CHAF1A: variants seen among roughly 807,000 people sequenced by gnomAD.
CHAF1A encodes chromatin assembly factor 1 subunit A.
Under a neutral mutation model 93.2 loss-of-function variants are expected in CHAF1A, and 5 were observed. That is an observed-to-expected ratio of 0.05 (90% CI 0.03 to 0.11). The LOEUF (loss-of-function observed/expected upper bound fraction) is 0.11, where lower values mean the gene tolerates loss of function less well. Ranked by LOEUF, CHAF1A falls within the 10% of genes least tolerant of loss-of-function variation. The probability of loss-of-function intolerance (pLI) is 1.00; values close to 1 mark genes in which losing one functional copy is unlikely to be tolerated. For synonymous variants in CHAF1A, 504 were observed against 510.3 expected, an observed-to-expected ratio of 0.99 and a Z score of 0.17; for missense variants, 1,102 against 1,259.9, an observed-to-expected ratio of 0.87 and a Z score of 1.90.
intron 1 of CHAF1A, among the ~76,000 whole-genome samples, chr19:4,404,600 GTGAGGGGTGGT>G (rs1973646800): frequency 1.3e-5 from 2 of 152,174 alleles, no homozygotes; most frequent in South Asian, 4.1e-4. Context: ...GGGGCGGTGG[GTGAGGGGTGGT>G]TTCATGTATG....
chr19:4,428,597 T>C, intron 7 of CHAF1A, 67 bp from the exon 8 acceptor site: 5 of 1,346,170 alleles, frequency 3.7e-6, no homozygotes, highest in Non-Finnish European at 5.3e-6. Context: ...CACCCTGCTG[T>C]GTGCGTCCAT....
rs1294449820 is a variant in CHAF1A, at chr19:4,431,956, G to A, written c.1952G>A (p.Cys651Tyr). Residue 651 changes from cysteine to tyrosine, a missense_variant, in exon 12 of 15, where the codon TGT (cysteine) becomes TAT (tyrosine). By Grantham distance (194) the Cys-to-Tyr change is radical. This residue lies in a region of CHAF1A where 335 missense variants were observed against 361.9 expected (regional missense o/e 0.93). Transcript: ENST00000301280. ...LSEDEGVTEECADPENHKVRQ... is the reference protein window; with the variant it reads ...LSEDEGVTEEYADPENHKVRQ... ...TTCTGCTTTCTAAACCACAAGGAGT[G>A]TGCCGACCCTGAGAACCATAAGGTC... is the stretch of plus-strand genomic sequence containing the variant. 1.2e-6 allele frequency: 2 copies of A among 1,607,292 alleles called. No homozygotes were observed. The highest frequency in any genetic ancestry group is 1.7e-6 in the Non-Finnish European group (2 of 1,174,632).
Position 4,414,148 on chromosome 19 carries a change from C to G in CHAF1A, c.961-3872C>G, listed in dbSNP as rs368676085. 3.9e-5 allele frequency among the ~76,000 whole-genome samples: 6 copies of G among 152,196 alleles called. No individual in the cohort carries two copies. In the East Asian group the frequency reaches 1.2e-3, roughly 29 times the overall value. On this transcript the variant is annotated intron_variant, in intron 3 of 14. Coordinates refer to ENST00000301280, the MANE Select transcript of CHAF1A (RefSeq NM_005483.3). The stretch of plus-strand genomic sequence containing the variant: ...AGGTGCAGTGGCTCAAGCCTGTAAC[C>G]CCAGCACTTTGGGAAGCCGAGGTGG...
downstream of CHAF1A, chr19:4,445,910 A>T (rs1353738747): frequency 2.9e-6 from 4 of 1,373,170 alleles, no homozygotes; most frequent in Non-Finnish European, 3.9e-6. Flanking sequence ...TAAGTGGGAA[A>T]GCAGGATTCA....
At chr19:4,414,336 G>C (rs1482581802) in intron 3 of CHAF1A, among the ~76,000 whole-genome samples, 1 of 151,730 alleles carries the variant, frequency 6.6e-6, no homozygotes, top group Non-Finnish European at 1.5e-5. Context: ...AGGAGGCAGA[G>C]GTTGCGGTGA....
chr19:4,405,991 T>C (rs1222233408), intron 2 of CHAF1A, 29 bp downstream of exon 2: 1 of 1,574,960 alleles, frequency 6.3e-7, no homozygotes, highest in East Asian at 2.2e-5. Context: ...GTTAAAGAGT[T>C]GTTCGTAGTT....
intron 2 of CHAF1A, among the ~76,000 whole-genome samples, chr19:4,406,997 G>A (rs1393952011): frequency 6.6e-6 from 1 of 151,970 alleles, no homozygotes; most frequent in African/African-American, 2.4e-5. Context: ...TAAGGTGGGC[G>A]GATTGTCTGA....
chr19:4,447,085 C>A, downstream of CHAF1A: 2 of 651,096 alleles, frequency 3.1e-6, no homozygotes, highest in South Asian at 3.8e-5. Flanking sequence ...ACCTGCTTTT[C>A]TACGGTGGGG....
chr19:4,402,737 G>A lies in CHAF1A; in HGVS notation c.-26G>A, dbSNP rs993640575. The A allele has an allele frequency of 7.5e-6, 9 of 1,199,078 alleles. No individual in the cohort carries two copies. The East Asian group carries it at 2.1e-4, about 28-fold the overall frequency. 74.3% of individuals were successfully genotyped at this position (1,199,078 alleles called of 1,614,324 possible). On this transcript the variant is annotated 5_prime_UTR_variant, in exon 1 of 15. Coordinates refer to ENST00000301280, the MANE Select transcript of CHAF1A (RefSeq NM_005483.3). Reference sequence around the variant, plus strand: ...GGGAGCCCGCGCCTCCGCCGCCTGAGAGGAGGTCGAGCTGCCGCCGGGGCG... The same window carrying A: ...GGGAGCCCGCGCCTCCGCCGCCTGAAAGGAGGTCGAGCTGCCGCCGGGGCG...
downstream of CHAF1A, chr19:4,448,483 G>GT (rs1487966806): frequency 5.4e-6 from 7 of 1,301,106 alleles, no homozygotes; most frequent in African/African-American, 1.0e-4. Context: ...CGCTGCCCAG[G>GT]TAACAGGGGC....
chr19:4,408,872 C>A (rs377165063), intron 2 of CHAF1A, 31 bp from the exon 3 acceptor site: 2 of 1,570,544 alleles, frequency 1.3e-6, no homozygotes, highest in South Asian at 2.4e-5. Context: ...TTTAAACGTT[C>A]ACTAGAGATG....
intron 12 of CHAF1A, among the ~76,000 whole-genome samples, chr19:4,432,645 A>G (rs1194049919): frequency 2.0e-5 from 3 of 152,010 alleles, no homozygotes; most frequent in Non-Finnish European, 2.9e-5. Flanking sequence ...CTGTGATCCC[A>G]GCTACTCAAG....
At chr19:4,446,425 G>T (rs1319672947), downstream of CHAF1A, 5 of 1,577,566 alleles carry the variant, frequency 3.2e-6, no homozygotes, top group Non-Finnish European at 4.3e-6. Flanking sequence ...TGCACACGCG[G>T]GCCAGGTCAC....
intron 13 of CHAF1A, among the ~76,000 whole-genome samples, chr19:4,439,791 C>T (rs929708866): frequency 1.3e-5 from 2 of 152,240 alleles, no homozygotes; most frequent in East Asian, 3.8e-4. Flanking sequence ...GCCTGTAATC[C>T]CAGCACTTTG....
At position 4,407,508 on chromosome 19, in the gene CHAF1A, G is replaced by A. The variant is rs530947691; in HGVS notation, c.104-1395G>A. Among the ~76,000 whole-genome samples the A allele has an allele frequency of 9.2e-5, 14 of 151,938 alleles. No homozygotes were observed. In the South Asian group the frequency reaches 2.9e-3, roughly 32 times the overall value. On this transcript the variant is annotated intron_variant, in intron 2 of 14. Transcript: ENST00000301280. ...ACAAATGTGTCTATATTTTCTACTT[G>A]AGAACCAGATGCAGTTATTATCAAA...
Position 4,409,358 on chromosome 19 carries a change from G to A in CHAF1A, c.559G>A (p.Gly187Ser). 1 of 1,614,034 alleles carries A rather than the reference G, an allele frequency of 6.2e-7. No individual in the cohort carries two copies. The highest frequency in any genetic ancestry group is 8.5e-7 in the Non-Finnish European group (1 of 1,180,006). Residue 187 changes from glycine to serine, a missense_variant, in exon 3 of 15, where the codon GGT becomes AGT. This residue lies in a region of CHAF1A where 379 missense variants were observed against 365.7 expected (regional missense o/e 1.04). Transcript: ENST00000301280. ...CATTCCTTGCAAAACAGAGGAGGAG[G>A]GTGTTGGCTGTGGAGGTGCAGGGAG... ...SDIPCKTEEE[G>S]VGCGGAGRRG...
At chr19:4,419,029 A>AT (rs11406470) in intron 4 of CHAF1A, among the ~76,000 whole-genome samples, 49,775 of 96,868 alleles carry the variant, frequency 0.51, 12,382 homozygotes, top group East Asian at 0.75. Flanking sequence ...TAGCCAGCTA[A>AT]TTTTTTTTTT....
intron 13 of CHAF1A, among the ~76,000 whole-genome samples, chr19:4,441,516 G>A (rs561472354): frequency 6.6e-6 from 1 of 152,074 alleles, no homozygotes; most frequent in East Asian, 1.9e-4. Flanking sequence ...GCTGAAGAAC[G>A]AGAATCGCTT....
intron 3 of CHAF1A, among the ~76,000 whole-genome samples, chr19:4,412,271 G>A (rs746481959): frequency 5.3e-5 from 8 of 152,202 alleles, no homozygotes; most frequent in East Asian, 1.9e-4. Flanking sequence ...GGCTGGGCGC[G>A]GTGGCTCACA....
Sources: allele counts gnomAD v4.1 joint callset (sites outside exome capture counted in the v4.1 genomes callset), GRCh38; gene constraint gnomAD v4.1.1; regional missense constraint gnomAD v4.1.1; transcripts MANE v1.5; gene names NCBI Gene and HGNC (gene_info 2026-07-23, HGNC 2026-07-21).